LY9: variants seen among roughly 807,000 people sequenced by gnomAD.
The protein encoded by LY9 is T-lymphocyte surface antigen Ly-9.
LY9 carries 59 observed loss-of-function variants against 64.6 expected under a neutral mutation model. The observed-to-expected ratio is 0.91, with a 90% CI of 0.74 to 1.13. The LOEUF (loss-of-function observed/expected upper bound fraction) is 1.13, where lower values mean the gene tolerates loss of function less well. LY9 is among the 50% of genes most tolerant of loss of function. LY9 has a pLI of 0.00. For synonymous variants in LY9, 281 were observed against 308.5 expected (o/e 0.91, Z 0.93); for missense variants, 789 against 797.2 (o/e 0.99, Z 0.12).
intron 2 of LY9, among the ~76,000 whole-genome samples, chr1:160,805,382 A>T (rs1385107668): frequency 1.3e-5 from 2 of 151,454 alleles, no homozygotes; most frequent in Admixed American, 1.3e-4. Context: ...ATGTTGTTTA[A>T]TTTCCATGTA....
At chr1:160,812,020 T>C (rs1422118033) in intron 2 of LY9, 1 of 152,198 alleles carries the variant, frequency 6.6e-6, no homozygotes, top group Admixed American at 6.5e-5. Context: ...AAATCTGTGT[T>C]AGTTTTCTAG....
chr1:160,803,825 T>C (rs1270410326), intron 2 of LY9, among the ~76,000 whole-genome samples: 2 of 152,108 alleles, frequency 1.3e-5, no homozygotes, highest in Non-Finnish European at 2.9e-5. Flanking sequence ...CTGAGCAACA[T>C]GGCAAAACCC....
chr1:160,805,955 TAA>T, intron 2 of LY9, among the ~76,000 whole-genome samples: 1 of 150,406 alleles, frequency 6.6e-6, no homozygotes, highest in Non-Finnish European at 1.5e-5. Flanking sequence ...GTTTTTGACT[TAA>T]AGTTTGTTTA....
chr1:160,800,900 T>C (rs1666403757), intron 2 of LY9, among the ~76,000 whole-genome samples: 2 of 152,356 alleles, frequency 1.3e-5, no homozygotes, highest in East Asian at 3.9e-4. Context: ...CTGATTAGTA[T>C]TCCATGATGT....
chr1:160,823,387 C>G (rs1668626376), intron 7 of LY9, 78 bp from the exon 8 acceptor site: 5 of 1,080,038 alleles, frequency 4.6e-6, no homozygotes, highest in Non-Finnish European at 5.4e-6. Context: ...GGCATCAGAG[C>G]AGGCTGGGGC....
chr1:160,822,508 A>C (rs1668548646), intron 7 of LY9, among the ~76,000 whole-genome samples: 1 of 152,300 alleles, frequency 6.6e-6, no homozygotes, highest in African/African-American at 2.4e-5. Flanking sequence ...TCTATTCCTT[A>C]GTCCCTGCTG....
At chr1:160,812,574 T>C (rs1043980156) in intron 2 of LY9, 5 of 152,220 alleles carry the variant, frequency 3.3e-5, no homozygotes, top group Admixed American at 1.3e-4. Context: ...ATATTGTTAA[T>C]TTTTTAAGGT....
intron 9 of LY9, among the ~76,000 whole-genome samples, chr1:160,825,978 C>T (rs993436446): frequency 1.3e-5 from 2 of 152,108 alleles, no homozygotes; most frequent in South Asian, 2.1e-4. Flanking sequence ...AACCCCACCC[C>T]ACTCCATGCA....
chr1:160,802,039 C>A (rs934740562), intron 2 of LY9: 1 of 1,441,782 alleles, frequency 6.9e-7, no homozygotes, highest in African/African-American at 1.4e-5. Context: ...CCCCCCGAGG[C>A]TGCTAGACGT....
chr1:160,821,697 G>A (rs937241089), intron 7 of LY9, among the ~76,000 whole-genome samples: 7 of 152,186 alleles, frequency 4.6e-5, no homozygotes, highest in South Asian at 4.1e-4. Context: ...TTCTGAGGTA[G>A]GATAACCCTG....
Position 160,824,040 on chromosome 1 carries a change from C to G in LY9, c.1831-141C>G, listed in dbSNP as rs972841271. 4.9e-5 allele frequency: 49 copies of G among 999,834 alleles called. No individual in the cohort carries two copies. In the Middle Eastern group the frequency reaches 1.3e-3, roughly 27 times the overall value. The allele number at this position is 999,834 out of a possible 1,614,324, so 61.9% of individuals were successfully genotyped here. On this transcript the variant is annotated intron_variant, in intron 8 of 9. Transcript: ENST00000263285. ...GAAGGTGTTGGAGAACCAGAGGCAC[C>G]GTCCCCACTGCACTAAGGCAGCTCC...
chr1:160,799,896 G>C lies in LY9; in HGVS notation c.268G>C (p.Ala90Pro). The C allele has an allele frequency of 5.6e-6, 9 of 1,614,122 alleles. No homozygotes were observed. Among genetic ancestry groups the C allele is most frequent in the Non-Finnish European group, 5.9e-6 (7 of 1,180,002 alleles). The change falls in exon 2 of 10, where the codon GCA (alanine) becomes CCA (proline). Residue 90 changes from alanine to proline, a missense_variant. By Grantham distance (27) the Ala-to-Pro change is conservative (BLOSUM62 -1). Transcript: ENST00000263285. The part of the protein sequence containing the change: ...WIGPKNALAF[A>P]RPKENVTIMV... ...TGGTCCCAAAAATGCTCTTGCTTTC[G>C]CACGTCCCAAAGAAAATGTAACCAT...
intron 9 of LY9, among the ~76,000 whole-genome samples, chr1:160,825,571 C>T (rs948339158): frequency 1.3e-5 from 2 of 152,136 alleles, no homozygotes; most frequent in African/African-American, 2.4e-5. Flanking sequence ...GCTTTCAAAT[C>T]TCCCCCAAAT....
At chr1:160,818,124 G>T in intron 5 of LY9, 94 bp from the exon 6 acceptor site, 1 of 773,292 alleles carries the variant, frequency 1.3e-6, no homozygotes, top group South Asian at 1.6e-5. Context: ...TGGATTTTAA[G>T]GGGCAGGTAG....
intron 2 of LY9, among the ~76,000 whole-genome samples, chr1:160,807,057 C>A (rs1570993813): frequency 6.6e-6 from 1 of 152,288 alleles, no homozygotes; most frequent in South Asian, 2.1e-4. Context: ...TCAGTGAAAT[C>A]TTCAATTCCA....
intron 1 of LY9, among the ~76,000 whole-genome samples, chr1:160,797,463 T>C (rs142080645): frequency 6.6e-4 from 101 of 152,322 alleles, no homozygotes; most frequent in Middle Eastern, 6.8e-3. Context: ...GCAAGGCTGT[T>C]TATGTTTACC....
At chr1:160,819,119 C>T (rs1174938534) in intron 6 of LY9, among the ~76,000 whole-genome samples, 1 of 152,186 alleles carries the variant, frequency 6.6e-6, no homozygotes, top group Non-Finnish European at 1.5e-5. Flanking sequence ...CCAGAGCCTC[C>T]ACCTCTGCAG....
chr1:160,808,141 C>T (rs905081538), intron 2 of LY9, among the ~76,000 whole-genome samples: 3 of 152,300 alleles, frequency 2.0e-5, no homozygotes, highest in Middle Eastern at 3.4e-3. Flanking sequence ...GGAGCTTTTG[C>T]CCAGCTTGCA....
chr1:160,801,872 C>T (rs756606253), intron 2 of LY9: 1 of 1,614,172 alleles, frequency 6.2e-7, no homozygotes, highest in Non-Finnish European at 8.5e-7. Flanking sequence ...TGGAGTCCAT[C>T]ATCAGCACCC....
Sources: gnomAD v4.1 joint callset for allele counts (sites outside exome capture counted in the v4.1 genomes callset) on GRCh38, gnomAD v4.1.1 for gene constraint, MANE v1.5 for transcripts, NCBI Gene and HGNC (gene_info 2026-07-23, HGNC 2026-07-21) for gene names.